COPB1: variants seen among roughly 807,000 people sequenced by gnomAD.
COPB1 encodes coat protein complex I subunit beta 1.
A neutral mutation model predicts 108.7 loss-of-function variants in COPB1; 21 were observed. The observed-to-expected ratio is 0.19, with a 90% confidence interval of 0.14 to 0.28. The LOEUF is 0.28. Ranked by LOEUF, COPB1 falls within the 10% of genes least tolerant of loss-of-function variation. The pLI, the probability that COPB1 is intolerant of heterozygous loss-of-function variation, is 1.00. For missense variants in COPB1, 919 were observed against 1,141.3 expected (o/e 0.81, Z 2.81); for synonymous variants, 378 against 386.8 (o/e 0.98, Z 0.27).
Position 14,457,611 on chromosome 11 carries a change from C to G in COPB1, c.*213G>C, listed in dbSNP as rs528817947. On this transcript the variant is annotated 3_prime_UTR_variant, in exon 22 of 22. Transcript: ENST00000439561. ...GTCTTGGTACATGAAACATTATATA[C>G]TTTGAGGACAGCATTCAGAACTGTT... 7 of 460,360 alleles carry G rather than the reference C, an allele frequency of 1.5e-5. No homozygotes were observed. Among genetic ancestry groups the G allele is most frequent in the Non-Finnish European group, 2.8e-5 (7 of 249,796 alleles). The allele number at this position is 460,360 out of a possible 1,614,324, so 28.5% of individuals were successfully genotyped here.
intron 10 of COPB1, among the ~76,000 whole-genome samples, chr11:14,480,201 G>T (rs1034760084): frequency 6.6e-6 from 1 of 152,146 alleles, no homozygotes; most frequent in African/African-American, 2.4e-5. Flanking sequence ...TCCATTTTAT[G>T]TGCAGCAAAA....
At chr11:14,467,064 CTT>C (rs1850297156) in intron 16 of COPB1, among the ~76,000 whole-genome samples, 1 of 152,056 alleles carries the variant, frequency 6.6e-6, no homozygotes, top group Non-Finnish European at 1.5e-5. Context: ...AAATTAAACA[CTT>C]TTATGCATCA....
intron 4 of COPB1, among the ~76,000 whole-genome samples, chr11:14,493,292 T>C (rs897941280): frequency 3.2e-4 from 48 of 152,188 alleles, no homozygotes; most frequent in Non-Finnish European, 8.8e-5. Flanking sequence ...AAACGAATTC[T>C]AAAACAAGGA....
intron 6 of COPB1, 41 bp downstream of exon 6, chr11:14,488,447 TAAAC>T (rs758507742): frequency 7.9e-7 from 1 of 1,265,522 alleles, no homozygotes; most frequent in Non-Finnish European, 1.1e-6. Flanking sequence ...AACCCTGTCT[TAAAC>T]TGCTGAGTTT....
At chr11:14,463,112 A>G (rs2134094487) in intron 18 of COPB1, among the ~76,000 whole-genome samples, 1 of 152,298 alleles carries the variant, frequency 6.6e-6, no homozygotes, top group Admixed American at 6.5e-5. Context: ...TGGAGCTTCA[A>G]ATACTTTCTG....
At chr11:14,460,050 G>C (rs1850110514) in intron 20 of COPB1, 158 bp downstream of exon 20, 1 of 557,706 alleles carries the variant, frequency 1.8e-6, no homozygotes, top group East Asian at 3.0e-5. Context: ...AATAGAAAGA[G>C]GTAAGCAGAT....
intron 11 of COPB1, among the ~76,000 whole-genome samples, chr11:14,477,310 T>C (rs1381484479): frequency 7.2e-6 from 1 of 138,406 alleles, no homozygotes; most frequent in Non-Finnish European, 1.5e-5. Context: ...CGGGAACCCA[T>C]TCTCGGGAAG....
At chr11:14,497,991 C>A (rs1477606393) in intron 2 of COPB1, among the ~76,000 whole-genome samples, 1 of 152,018 alleles carries the variant, frequency 6.6e-6, no homozygotes, top group Non-Finnish European at 1.5e-5. Context: ...AGCTAAAAAT[C>A]AAAACAAACT....
chr11:14,467,072 C>T (rs1475701039), intron 16 of COPB1, among the ~76,000 whole-genome samples: 3 of 151,960 alleles, frequency 2.0e-5, no homozygotes, highest in Non-Finnish European at 4.4e-5. Flanking sequence ...CACTTTTATG[C>T]ATCAAATATT....
intron 7 of COPB1, 23 bp downstream of exon 7, chr11:14,486,344 G>T: frequency 1.2e-6 from 2 of 1,612,710 alleles, no homozygotes; most frequent in South Asian, 2.2e-5. Context: ...ATCTAATCTG[G>T]CCCCAAAAGA....
chr11:14,479,840 G>A (rs1015272149), intron 10 of COPB1, 126 bp from the exon 11 acceptor site: 1 of 921,408 alleles, frequency 1.1e-6, no homozygotes, highest in African/African-American at 1.7e-5. Flanking sequence ...GTCTTGCTTT[G>A]CTGCCCAGGC....
intron 18 of COPB1, 70 bp from the exon 19 acceptor site, chr11:14,461,401 A>T (rs1424947340): frequency 2.9e-5 from 43 of 1,501,010 alleles, no homozygotes; most frequent in Non-Finnish European, 3.6e-5. Flanking sequence ...CTTAATATCC[A>T]AATATCCAAA....
chr11:14,472,883 C>G (rs1850438081), intron 14 of COPB1, among the ~76,000 whole-genome samples: 1 of 152,210 alleles, frequency 6.6e-6, no homozygotes, highest in Admixed American at 6.5e-5. Flanking sequence ...CTGGATTAGG[C>G]TTTTGGCTTA....
chr11:14,492,907 AG>A (rs1320263160), intron 4 of COPB1, among the ~76,000 whole-genome samples: 10 of 152,102 alleles, frequency 6.6e-5, no homozygotes, highest in African/African-American at 2.4e-4. Flanking sequence ...GCACTTTGGG[AG>A]GCCAAGGCGA....
chr11:14,477,078 T>G (rs1422113525), intron 11 of COPB1, 63 bp from the exon 12 acceptor site: 6 of 1,160,632 alleles, frequency 5.2e-6, no homozygotes, highest in Non-Finnish European at 7.8e-6. Context: ...GAGATCTTTC[T>G]TTGTTAATTT....
At chr11:14,475,503 T>A (rs1275676032) in intron 13 of COPB1, among the ~76,000 whole-genome samples, 1 of 152,194 alleles carries the variant, frequency 6.6e-6, no homozygotes, top group Non-Finnish European at 1.5e-5. Flanking sequence ...AAAACTCAAA[T>A]ATCTTCAGTT....
At position 14,457,783 on chromosome 11, in the gene COPB1, C is replaced by A. The variant is rs1224101440; in HGVS notation, c.*41G>T. 1 of 1,315,896 alleles carries A rather than the reference C, an allele frequency of 7.6e-7. No homozygotes were observed. Among genetic ancestry groups the A allele is most frequent in the East Asian group, 2.3e-5 (1 of 42,900 alleles). 81.5% of individuals were successfully genotyped at this position (1,315,896 alleles called of 1,614,324 possible). A position where few individuals can be genotyped will look rare whatever the true frequency, so the allele number is the denominator to read the frequency against. The stretch of plus-strand genomic sequence containing the variant: ...GATGTTGGAGTCCAGTAAGCCCATA[C>A]CTAAATTAACTGTAAAGCTTCAAGG... On this transcript the variant is annotated 3_prime_UTR_variant, in exon 22 of 22. Transcript: ENST00000439561.
intron 18 of COPB1, among the ~76,000 whole-genome samples, chr11:14,462,586 G>A (rs11023234): frequency 6.6e-6 from 1 of 152,064 alleles, no homozygotes; most frequent in Non-Finnish European, 1.5e-5. Context: ...GGAAAACTGA[G>A]GCTACCAAGA....
At chr11:14,492,944 G>A (rs1055911797) in intron 4 of COPB1, among the ~76,000 whole-genome samples, 10 of 152,082 alleles carry the variant, frequency 6.6e-5, no homozygotes, top group East Asian at 3.9e-4. Flanking sequence ...TCAGGAGTTC[G>A]AGACCAGCCT....
Sources: gnomAD v4.1 joint callset for allele counts (sites outside exome capture counted in the v4.1 genomes callset) on GRCh38, gnomAD v4.1.1 for gene constraint, MANE v1.5 for transcripts, NCBI Gene and HGNC (gene_info 2026-07-23, HGNC 2026-07-21) for gene names.